Variants in ADGRB3 observed in about 807,000 individuals in gnomAD.
The protein encoded by ADGRB3 is adhesion G protein-coupled receptor B3, also known as brain-specific angiogenesis inhibitor 3.
ADGRB3 carries 37 observed loss-of-function variants against 193.4 expected under a neutral mutation model. The observed-to-expected ratio is 0.19, with a 90% confidence interval of 0.15 to 0.25. The LOEUF is 0.25. Among genes scored for constraint, ADGRB3 ranks in the 10% least tolerant of loss-of-function variants. The probability of loss-of-function intolerance (pLI) is 1.00; values close to 1 mark genes in which losing one functional copy is unlikely to be tolerated. For synonymous variants in ADGRB3, 690 were observed against 644.2 expected (o/e 1.07, Z -1.08); for missense variants, 1,637 against 1,852.9 (o/e 0.88, Z 2.14).
chr6:68,743,661 G>A lies in ADGRB3; in HGVS notation c.757+104229G>A, dbSNP rs189783156. 3.2e-3 allele frequency among the ~76,000 whole-genome samples: 489 copies of A among 152,070 alleles called. 3 individuals carry two copies. The highest frequency in any genetic ancestry group is 0.011 in the African/African-American group (467 of 41,508). On this transcript the variant is annotated intron_variant, in intron 3 of 31. Transcript: ENST00000370598. ...AGGAAATAGAAATTCCCCAAAATAT[G>A]AGAAATAAAACTGACACTCAGAACT...
intron 5 of ADGRB3, among the ~76,000 whole-genome samples, chr6:68,942,903 G>A (rs773544162): frequency 5.3e-5 from 8 of 152,166 alleles, no homozygotes; most frequent in South Asian, 4.1e-4. Flanking sequence ...GAGCCACCAC[G>A]CCCAGCCTAA....
intron 28 of ADGRB3, among the ~76,000 whole-genome samples, chr6:69,357,006 C>A (rs920858226): frequency 6.6e-6 from 1 of 152,070 alleles, no homozygotes; most frequent in Admixed American, 6.6e-5. Flanking sequence ...TCTACTTCAT[C>A]TAAATATCCA....
At chr6:69,245,397 T>A (rs180759438) in intron 20 of ADGRB3, among the ~76,000 whole-genome samples, 133 of 152,200 alleles carry the variant, frequency 8.7e-4, no homozygotes, top group African/African-American at 3.0e-3. Context: ...TCTGTGAAGA[T>A]TTTTTTATTC....
chr6:68,752,307 G>T (rs374674385), intron 3 of ADGRB3, among the ~76,000 whole-genome samples: 365 of 111,426 alleles, frequency 3.3e-3, no homozygotes, highest in African/African-American at 0.011. Flanking sequence ...ACAGAATTTT[G>T]CTCTTGTCAC....
At chr6:69,087,624 CTGT>C (rs1272213329) in intron 17 of ADGRB3, among the ~76,000 whole-genome samples, 2 of 152,090 alleles carry the variant, frequency 1.3e-5, no homozygotes, top group Non-Finnish European at 2.9e-5. Flanking sequence ...CAATAAATTT[CTGT>C]TGTTTATAAA....
At chr6:68,641,995 AT>A (rs1237061129) in intron 3 of ADGRB3, among the ~76,000 whole-genome samples, 1 of 152,116 alleles carries the variant, frequency 6.6e-6, no homozygotes, top group Non-Finnish European at 1.5e-5. Flanking sequence ...GTTATTTTAT[AT>A]GATAACATGA....
chr6:69,107,677 G>A (rs886640731), intron 17 of ADGRB3, among the ~76,000 whole-genome samples: 1 of 152,178 alleles, frequency 6.6e-6, no homozygotes, highest in Non-Finnish European at 1.5e-5. Context: ...TAAAGAAAAT[G>A]TGGTACATAT....
chr6:69,045,511 T>C (rs1771208868), intron 13 of ADGRB3, among the ~76,000 whole-genome samples: 1 of 152,112 alleles, frequency 6.6e-6, no homozygotes, highest in African/African-American at 2.4e-5. Context: ...AGATTTTAAG[T>C]GTTCTCACCA....
rs902366175 is a variant in ADGRB3, at chr6:68,813,425, G to A, written c.758-117134G>A. Among the ~76,000 whole-genome samples, 7 of 152,008 alleles carry A rather than the reference G, an allele frequency of 4.6e-5. No homozygotes were observed. In the South Asian group the frequency reaches 6.2e-4, roughly 14 times the overall value. On this transcript the variant is annotated intron_variant, in intron 3 of 31. Transcript: ENST00000370598. ...GGGCTTGCAAGTGTTAGCTAAATAC[G>A]TTAATAGTAACAGTAACAAACCAGC... is the stretch of plus-strand genomic sequence containing the variant.
intron 3 of ADGRB3, among the ~76,000 whole-genome samples, chr6:68,751,471 A>G (rs911513407): frequency 1.5e-4 from 23 of 152,200 alleles, no homozygotes; most frequent in Admixed American, 1.4e-3. Context: ...ATGAAATGAA[A>G]TAAAACATCA....
chr6:68,918,820 TTAAG>T (rs1457161192), intron 3 of ADGRB3, among the ~76,000 whole-genome samples: 1 of 152,172 alleles, frequency 6.6e-6, no homozygotes, highest in Non-Finnish European at 1.5e-5. Context: ...TCCCTTCCTT[TTAAG>T]TATCTCTAAT....
chr6:69,226,395 G>A (rs1341411292), intron 17 of ADGRB3, among the ~76,000 whole-genome samples: 1 of 152,114 alleles, frequency 6.6e-6, no homozygotes, highest in Non-Finnish European at 1.5e-5. Context: ...TATTTATTAA[G>A]CACCTACTAT....
Position 68,856,386 on chromosome 6 carries a change from A to T in ADGRB3, c.758-74173A>T, listed in dbSNP as rs145796849. 1.6e-3 allele frequency among the ~76,000 whole-genome samples: 248 copies of T among 152,288 alleles called. 3 individuals carry two copies. Among genetic ancestry groups the T allele is most frequent in the African/African-American group, 5.8e-3 (239 of 41,546 alleles). ...TTGGAAAGTTTGGAACTCCCTAGAG[A>T]CTTGTTGAATGTTTTTGACCAAAAT... On this transcript the variant is annotated intron_variant, in intron 3 of 31. Coordinates refer to ENST00000370598, the MANE Select transcript of ADGRB3 (RefSeq NM_001704.3).
intron 13 of ADGRB3, among the ~76,000 whole-genome samples, chr6:69,047,768 A>T (rs1223856311): frequency 1.3e-5 from 2 of 152,200 alleles, no homozygotes; most frequent in Non-Finnish European, 2.9e-5. Context: ...AAATGCAGAA[A>T]ATTTCTTCTT....
rs1554251200 is a variant in ADGRB3 at position 69,040,307 on chromosome 6, C to CTCTCTCTTTCTT, written c.2108-7875_2108-7874insCTCTTTCTTTCT. On this transcript the variant is annotated intron_variant, in intron 13 of 31. Transcript: ENST00000370598. ...TTTTTGCCTTCCTTCCTTTCTCTGT[C>CTCTCTCTTTCTT]TCTTTCTTTCTTTCTTTCTTTCTTT... is the stretch of plus-strand genomic sequence containing the variant. Among the ~76,000 whole-genome samples, 40 of 94,756 alleles carry CTCTCTCTTTCTT rather than the reference C, an allele frequency of 4.2e-4. 1 individual carries two copies. Among genetic ancestry groups the CTCTCTCTTTCTT allele is most frequent in the African/African-American group, 2.7e-4 (6 of 22,372 alleles). 62.2% of individuals were successfully genotyped at this position (94,756 alleles called of 152,430 possible). A position where few individuals can be genotyped will look rare whatever the true frequency, so the allele number is the denominator to read the frequency against.
chr6:69,123,145 C>T (rs548684133), intron 17 of ADGRB3, among the ~76,000 whole-genome samples: 24 of 151,822 alleles, frequency 1.6e-4, no homozygotes, highest in African/African-American at 5.6e-4. Context: ...TTATGGTCTA[C>T]GTATAAAGGG....
At chr6:69,172,446 A>G (rs1399253139) in intron 17 of ADGRB3, among the ~76,000 whole-genome samples, 2 of 151,790 alleles carry the variant, frequency 1.3e-5, no homozygotes, top group Non-Finnish European at 2.9e-5. Context: ...GATCAAGACC[A>G]TACTGGCTAA....
chr6:68,884,543 CCT>C (rs1645953169), intron 3 of ADGRB3, among the ~76,000 whole-genome samples: 1 of 151,876 alleles, frequency 6.6e-6, no homozygotes, highest in African/African-American at 2.4e-5. Flanking sequence ...ACAGAAAACC[CCT>C]GAGACATGAA....
intron 20 of ADGRB3, among the ~76,000 whole-genome samples, chr6:69,306,761 A>G (rs1768074268): frequency 6.6e-6 from 1 of 151,484 alleles, no homozygotes; most frequent in Non-Finnish European, 1.5e-5. Flanking sequence ...GGGAGTGAGG[A>G]GTGTGGACAA....
Sources: gnomAD v4.1 joint callset for allele counts (sites outside exome capture counted in the v4.1 genomes callset) on GRCh38, gnomAD v4.1.1 for gene constraint, MANE v1.5 for transcripts, NCBI Gene and HGNC (gene_info 2026-07-23, HGNC 2026-07-21) for gene names.